INTS7: variants seen among roughly 807,000 people sequenced by gnomAD.
The protein encoded by INTS7 is chromosome 1 open reading frame 73.
In INTS7, 46 loss-of-function variants were observed where a neutral mutation model predicts 109.2. The ratio of observed to expected loss-of-function variants is 0.42; its 90% CI spans 0.33 to 0.54. The LOEUF is 0.54. Among genes scored for constraint, INTS7 ranks in the 20% least tolerant of loss-of-function variants. INTS7 has a pLI of 0.07. For missense variants in INTS7, 929 were observed against 1,132.4 expected, an observed-to-expected ratio of 0.82 and a Z score of 2.58; for synonymous variants, 412 against 402.9, an observed-to-expected ratio of 1.02 and a Z score of -0.27.
intron 14 of INTS7, 110 bp downstream of exon 14, chr1:211,968,403 A>C (rs1664008297): frequency 1.1e-5 from 10 of 885,290 alleles, no homozygotes; most frequent in Non-Finnish European, 1.5e-5. Context: ...ATAAACATTT[A>C]TGATAATGTC....
At chr1:211,985,607 GA>G (rs1345670717) in intron 8 of INTS7, among the ~76,000 whole-genome samples, 2 of 152,112 alleles carry the variant, frequency 1.3e-5, no homozygotes, top group African/African-American at 4.8e-5. Context: ...AAAAAATAAA[GA>G]AAAAGAAAGT....
At chr1:211,979,842 C>G (rs1340834120) in intron 10 of INTS7, among the ~76,000 whole-genome samples, 1 of 152,192 alleles carries the variant, frequency 6.6e-6, no homozygotes. Context: ...AAAGTCTTCC[C>G]TAATACCCTT....
chr1:211,966,444 A>T lies in INTS7; in HGVS notation c.2169T>A (p.Asp723Glu). The change falls in exon 16 of 20, where the codon GAT becomes GAA. Residue 723 changes from aspartate (D) to glutamate (E), a missense_variant. Around this residue, in one of 2 missense-constraint regions of INTS7, gnomAD observed 787 missense variants for 901.1 expected, o/e 0.87. Coordinates refer to ENST00000366994, the MANE Select transcript of INTS7 (RefSeq NM_015434.4). ...ATTAGAATTACCTTGCTGATTCTGG[A>T]TCCAAAATCAGGGCTTCTATTGCAT... ...ISHAIEALIL[D>E]PESASFQEYG... 6.3e-7 allele frequency: 1 copy of T among 1,595,186 alleles called. No individual in the cohort carries two copies. The highest frequency in any genetic ancestry group is 8.6e-7 in the Non-Finnish European group (1 of 1,163,256).
rs756708871 is a variant in INTS7, at chr1:212,002,998, A to G, written c.879+3641T>C. Reference sequence around the variant, plus strand: ...AAATAATTATTGAACTAAAACATATATAAGAAGAAATTACTGAGAACTTAG... The same window carrying G: ...AAATAATTATTGAACTAAAACATATGTAAGAAGAAATTACTGAGAACTTAG... On this transcript the variant is annotated intron_variant, in intron 7 of 19. Coordinates refer to ENST00000366994, the MANE Select transcript of INTS7 (RefSeq NM_015434.4). Among the ~76,000 whole-genome samples, 115 of 152,332 alleles carry G rather than the reference A, an allele frequency of 7.5e-4. 6 individuals carry two copies. The highest frequency in any genetic ancestry group is 4.1e-4 in the Non-Finnish European group (28 of 68,026).
rs182747649 is a variant in INTS7, at chr1:211,946,341, C to A, written c.2415+266G>T. On this transcript the variant is annotated intron_variant, in intron 18 of 19. Transcript: ENST00000366994. The surrounding 1 kb of genome is among the most constrained non-coding windows in gnomAD (Gnocchi z 4.3). ...TTACCAAAAATAAAAAAATCAGCTG[C>A]GTGAGGTGGTGGATGCCTGTAATCC... Among the ~76,000 whole-genome samples the A allele has an allele frequency of 6.6e-6, 1 of 151,956 alleles. No homozygotes were observed.
intron 1 of INTS7, among the ~76,000 whole-genome samples, chr1:212,033,152 G>A (rs1041643554): frequency 2.0e-5 from 3 of 152,160 alleles, no homozygotes; most frequent in Non-Finnish European, 4.4e-5. Flanking sequence ...TGCTGAGGTG[G>A]GGGAGATATT....
rs762570829 is a variant in INTS7 at position 211,968,578 on chromosome 1, T to C, written c.1945A>G (p.Ile649Val). 9 of 1,614,008 alleles carry C rather than the reference T, an allele frequency of 5.6e-6. No individual in the cohort carries two copies. The highest frequency in any genetic ancestry group is 1.7e-5 in the Admixed American group (1 of 59,986). Residue 649 changes from isoleucine (I) to valine (V), a missense_variant, in exon 14 of 20, where the codon ATT (isoleucine) becomes GTT (valine). By Grantham distance (29) the Ile-to-Val change is conservative. Coordinates refer to ENST00000366994, the MANE Select transcript of INTS7 (RefSeq NM_015434.4). Reference protein sequence around the residue: ...NSLKTSPPPAIATTIAMTLGN... With the variant: ...NSLKTSPPPAVATTIAMTLGN... ...AAGGTCATGGCAATTGTTGTGGCAATTGCAGGTGGTGGGCTTGTCTTCAGG... is the reference window on the plus strand; with the variant it reads ...AAGGTCATGGCAATTGTTGTGGCAACTGCAGGTGGTGGGCTTGTCTTCAGG...
At chr1:211,943,346 T>C (rs1662713038) in intron 19 of INTS7, among the ~76,000 whole-genome samples, 2 of 151,890 alleles carry the variant, frequency 1.3e-5, no homozygotes, top group African/African-American at 4.8e-5. Context: ...TAGGTTTGAA[T>C]GTTATTTTCT....
At chr1:211,945,669 GCT>G (rs1190192808) in intron 18 of INTS7, among the ~76,000 whole-genome samples, 1 of 152,180 alleles carries the variant, frequency 6.6e-6, no homozygotes, top group Non-Finnish European at 1.5e-5. Flanking sequence ...GAAATGGAAT[GCT>G]CTGTTATTTG....
intron 4 of INTS7, among the ~76,000 whole-genome samples, chr1:212,013,237 T>C (rs1372331013): frequency 6.6e-6 from 1 of 152,136 alleles, no homozygotes; most frequent in Non-Finnish European, 1.5e-5. Context: ...CCTAGGCTGG[T>C]CTTGAACTCC....
chr1:212,000,376 T>C (rs770443961), intron 7 of INTS7, among the ~76,000 whole-genome samples: 5 of 152,168 alleles, frequency 3.3e-5, no homozygotes, highest in Non-Finnish European at 7.4e-5. Flanking sequence ...TCAGATAAAT[T>C]TGTGGTACTT....
intron 16 of INTS7, among the ~76,000 whole-genome samples, chr1:211,958,534 T>C (rs1663468151): frequency 6.6e-6 from 1 of 152,216 alleles, no homozygotes; most frequent in South Asian, 2.1e-4. Context: ...AGAGGTTCAT[T>C]AAGCTTCTTG....
intron 15 of INTS7, among the ~76,000 whole-genome samples, chr1:211,966,905 C>T (rs755444639): frequency 1.3e-5 from 2 of 151,960 alleles, no homozygotes; most frequent in African/African-American, 4.8e-5. Flanking sequence ...GTCTAAGGAG[C>T]CTTTATCCCA....
At chr1:211,971,125 T>TA (rs1398076177) in intron 13 of INTS7, among the ~76,000 whole-genome samples, 1 of 152,198 alleles carries the variant, frequency 6.6e-6, no homozygotes, top group East Asian at 1.9e-4. Flanking sequence ...ACTTGAGTAC[T>TA]ACTGACATTC....
chr1:211,965,345 G>T (rs772061133), intron 16 of INTS7, among the ~76,000 whole-genome samples: 3 of 152,180 alleles, frequency 2.0e-5, no homozygotes, highest in Non-Finnish European at 2.9e-5. Context: ...ATACACTGTT[G>T]GCGGGAGTGT....
intron 13 of INTS7, among the ~76,000 whole-genome samples, chr1:211,974,039 T>C (rs1664291910): frequency 6.6e-6 from 1 of 152,032 alleles, no homozygotes; most frequent in African/African-American, 2.4e-5. Context: ...TAAACAAGTA[T>C]CAAATATTCA....
chr1:211,948,689 A>G (rs952946219), intron 17 of INTS7, among the ~76,000 whole-genome samples: 7 of 152,004 alleles, frequency 4.6e-5, no homozygotes, highest in Non-Finnish European at 7.4e-5. Context: ...CAGCAGAAAG[A>G]CGTTAACGCT....
rs1664709999 is a variant in INTS7 at position 211,982,591 on chromosome 1, T to C, written c.1132+85A>G. Reference sequence around the variant, plus strand: ...TAGATCAAGGCACACAGGCTAAAAATAAGGGATTAAAAAAAAATCAAACAG... The same window carrying C: ...TAGATCAAGGCACACAGGCTAAAAACAAGGGATTAAAAAAAAATCAAACAG... On this transcript the variant is annotated intron_variant, in intron 9 of 19. Coordinates refer to ENST00000366994, the MANE Select transcript of INTS7 (RefSeq NM_015434.4). 4 of 1,079,286 alleles carry C rather than the reference T, an allele frequency of 3.7e-6. 1 individual carries two copies. In the South Asian group the frequency reaches 8.1e-5, roughly 22 times the overall value. The allele number at this position is 1,079,286 out of a possible 1,614,324, so 66.9% of individuals were successfully genotyped here. A position where few individuals can be genotyped will look rare whatever the true frequency, so the allele number is the denominator to read the frequency against.
At chr1:211,953,678 G>C (rs1207084126) in intron 16 of INTS7, among the ~76,000 whole-genome samples, 1 of 150,832 alleles carries the variant, frequency 6.6e-6, no homozygotes, top group Non-Finnish European at 1.5e-5. Context: ...GCGATAGTTT[G>C]CTGAGAATGA....
Sources: gnomAD v4.1 joint callset for allele counts (sites outside exome capture counted in the v4.1 genomes callset) on GRCh38, gnomAD v4.1.1 for gene constraint, gnomAD v4.1.1 regional missense constraint, Gnocchi (gnomAD v3.1) non-coding constraint, MANE v1.5 for transcripts, NCBI Gene and HGNC (gene_info 2026-07-23, HGNC 2026-07-21) for gene names.